The following THSD7B variants were observed in gnomAD, a reference collection of about 807,000 sequenced individuals.
The protein encoded by THSD7B is thrombospondin type-1 domain-containing protein 7B.
Under a neutral mutation model 213.6 loss-of-function variants are expected in THSD7B, and 138 were observed. The observed-to-expected ratio is 0.65, with a 90% CI of 0.56 to 0.74. THSD7B has a LOEUF of 0.74. Ranked by LOEUF, THSD7B falls within the 30% of genes least tolerant of loss-of-function variation. The pLI is 0.00. For synonymous variants in THSD7B, 742 were observed against 687.0 expected, an observed-to-expected ratio of 1.08 and a Z score of -1.25; for missense variants, 1,931 against 1,991.5, an observed-to-expected ratio of 0.97 and a Z score of 0.58.
intron 5 of THSD7B, among the ~76,000 whole-genome samples, chr2:137,137,603 A>T (rs956990689): frequency 3.3e-5 from 5 of 152,202 alleles, no homozygotes; most frequent in African/African-American, 1.2e-4. Context: ...GGGGTATGCC[A>T]TATAGCCTAG....
At chr2:137,297,869 C>A (rs1683504963) in intron 12 of THSD7B, among the ~76,000 whole-genome samples, 1 of 152,086 alleles carries the variant, frequency 6.6e-6, no homozygotes, top group Non-Finnish European at 1.5e-5. Flanking sequence ...ACTGTAAGTC[C>A]AATTAAACCT....
chr2:137,671,055 C>G (rs1683561348), intron 27 of THSD7B, among the ~76,000 whole-genome samples: 1 of 151,890 alleles, frequency 6.6e-6, no homozygotes, highest in Admixed American at 6.6e-5. Flanking sequence ...TTTCTTTCCA[C>G]AGTTCACTTC....
chr2:137,426,018 G>A (rs1687046782), intron 14 of THSD7B, among the ~76,000 whole-genome samples: 1 of 151,922 alleles, frequency 6.6e-6, no homozygotes, highest in African/African-American at 2.4e-5. Context: ...AAAAATCAGT[G>A]GCGTTTTTAT....
At chr2:136,890,306 T>TCCG (rs1683796657) in intron 2 of THSD7B, among the ~76,000 whole-genome samples, 1 of 116 alleles carries the variant, frequency 8.6e-3, no homozygotes, top group Non-Finnish European at 0.023. Flanking sequence ...TCCTACTCCT[T>TCCG]CTTCTTCTTC....
At chr2:136,944,050 T>C (rs1684880918) in intron 2 of THSD7B, among the ~76,000 whole-genome samples, 1 of 152,228 alleles carries the variant, frequency 6.6e-6, no homozygotes, top group African/African-American at 2.4e-5. Context: ...TACACTGCTT[T>C]AAATGTGTCT....
At chr2:137,201,333 A>G (rs1375865807) in intron 7 of THSD7B, among the ~76,000 whole-genome samples, 2 of 152,188 alleles carry the variant, frequency 1.3e-5, no homozygotes, top group Non-Finnish European at 2.9e-5. Flanking sequence ...ATTGGTGGGC[A>G]CTTGGGCTTC....
chr2:137,348,964 T>C (rs542300326), intron 12 of THSD7B, among the ~76,000 whole-genome samples: 8 of 151,744 alleles, frequency 5.3e-5, no homozygotes, highest in African/African-American at 1.9e-4. Context: ...ATAAAATAGT[T>C]ATAAAATAGT....
intron 3 of THSD7B, among the ~76,000 whole-genome samples, chr2:137,073,274 A>G (rs111489146): frequency 0.096 from 14,649 of 152,050 alleles, 936 homozygotes; most frequent in African/African-American, 0.19. Flanking sequence ...TATTGCCTCA[A>G]TTTCAGAGCC....
At position 137,056,669 on chromosome 2, in the gene THSD7B, A is replaced by G. The variant is rs575304657; in HGVS notation, c.389A>G (p.Glu130Gly). ...GGTGAAGTCAAGCCTCGGACTGCAG[A>G]GTGTGTGACGGCTCAGCATGGACTG... Reference protein sequence around the residue: ...ARGEVKPRTAECVTAQHGLQH... With the variant: ...ARGEVKPRTAGCVTAQHGLQH... Residue 130 changes from glutamate (E) to glycine (G), a missense_variant, in exon 3 of 28, where the codon GAG becomes GGG. Coordinates refer to ENST00000409968, the MANE Select transcript of THSD7B (RefSeq NM_001316349.2). 2.9e-5 allele frequency: 47 copies of G among 1,613,832 alleles called. No homozygotes were observed. The highest frequency in any genetic ancestry group is 3.8e-5 in the Non-Finnish European group (45 of 1,179,896).
At chr2:136,883,015 C>G (rs868223104) in intron 2 of THSD7B, among the ~76,000 whole-genome samples, 3 of 152,110 alleles carry the variant, frequency 2.0e-5, no homozygotes, top group Non-Finnish European at 4.4e-5. Flanking sequence ...CATCTTAGCT[C>G]TTTGTATTAC....
At chr2:137,655,806 A>T in intron 22 of THSD7B, 146 bp downstream of exon 22, 1 of 1,103,150 alleles carries the variant, frequency 9.1e-7, no homozygotes, top group Non-Finnish European at 1.2e-6. Flanking sequence ...TCACTTTGGT[A>T]TATACCTACG....
At chr2:137,211,763 TG>T (rs1409318934) in intron 7 of THSD7B, among the ~76,000 whole-genome samples, 1 of 152,112 alleles carries the variant, frequency 6.6e-6, no homozygotes, top group Non-Finnish European at 1.5e-5. Flanking sequence ...TTGTTATTTT[TG>T]TCACTGCAAT....
intron 17 of THSD7B, among the ~76,000 whole-genome samples, chr2:137,612,179 TATAG>T (rs1296580755): frequency 1.3e-5 from 2 of 152,204 alleles, no homozygotes; most frequent in Non-Finnish European, 2.9e-5. Context: ...GTGTACTAGT[TATAG>T]ATAATTTATC....
At chr2:136,922,521 A>T (rs1485052961) in intron 2 of THSD7B, among the ~76,000 whole-genome samples, 1 of 152,210 alleles carries the variant, frequency 6.6e-6, no homozygotes, top group Non-Finnish European at 1.5e-5. Flanking sequence ...TCAACCAGAA[A>T]TTGTACTTAG....
chr2:137,135,948 T>C (rs545032632), intron 5 of THSD7B, among the ~76,000 whole-genome samples: 1 of 146,454 alleles, frequency 6.8e-6, no homozygotes, highest in South Asian at 2.2e-4. Context: ...GTGGCACATA[T>C]ACTCCATGGA....
intron 16 of THSD7B, among the ~76,000 whole-genome samples, chr2:137,570,931 T>A (rs1256842088): frequency 6.6e-6 from 1 of 152,194 alleles, no homozygotes; most frequent in Non-Finnish European, 1.5e-5. Flanking sequence ...ACATAGAAAG[T>A]CTTTATTAAA....
chr2:137,536,224 C>G (rs1318658574), intron 15 of THSD7B, among the ~76,000 whole-genome samples: 1 of 150,968 alleles, frequency 6.6e-6, no homozygotes, highest in Non-Finnish European at 1.5e-5. Context: ...ATCCCAGTCT[C>G]AAAACAGACT....
At position 136,868,120 on chromosome 2, in the gene THSD7B, GCACA is replaced by G. The variant is rs10671218; in HGVS notation, c.-35-14005_-35-14002del. Among the ~76,000 whole-genome samples the G allele has an allele frequency of 4.3e-3, 649 of 149,252 alleles. 6 individuals carry two copies. Among genetic ancestry groups the G allele is most frequent in the African/African-American group, 0.015 (594 of 40,778 alleles). ...CCACACCACACACACACACGCGCGC[GCACA>G]CACACACACACACACACATCCTTGA... is the stretch of plus-strand genomic sequence containing the variant. On this transcript the variant is annotated intron_variant, in intron 1 of 27. Transcript: ENST00000409968.
chr2:136,828,393 C>G (rs2104944749), intron 1 of THSD7B, among the ~76,000 whole-genome samples: 1 of 152,284 alleles, frequency 6.6e-6, no homozygotes, highest in South Asian at 2.1e-4. Flanking sequence ...TCTCCCTCCC[C>G]ACAGCCACCA....
Sources: gnomAD v4.1 joint callset for allele counts (sites outside exome capture counted in the v4.1 genomes callset) on GRCh38, gnomAD v4.1.1 for gene constraint, MANE v1.5 for transcripts, NCBI Gene and HGNC (gene_info 2026-07-23, HGNC 2026-07-21) for gene names.